The following CCDC14 variants were observed in gnomAD, a reference collection of about 807,000 sequenced individuals.
CCDC14 encodes the protein coiled-coil domain containing 14.
CCDC14 carries 71 observed loss-of-function variants against 81.4 expected under a neutral mutation model. That is an observed-to-expected ratio of 0.87 (90% CI 0.72 to 1.06). The LOEUF (loss-of-function observed/expected upper bound fraction) is 1.06. Ranked by LOEUF, CCDC14 falls within the 50% of genes least tolerant of loss-of-function variation. The pLI is 0.00. For synonymous variants in CCDC14, 332 were observed against 364.8 expected (o/e 0.91, Z 1.03); for missense variants, 1,046 against 1,047.3 (o/e 1.00, Z 0.02).
At chr3:123,932,637 G>T (rs140988389) in intron 10 of CCDC14, among the ~76,000 whole-genome samples, 1 of 151,930 alleles carries the variant, frequency 6.6e-6, no homozygotes, top group Non-Finnish European at 1.5e-5. Flanking sequence ...CTTAGGAAAA[G>T]TTCCCCTCCA....
chr3:123,926,958 C>T (rs1200093240), intron 12 of CCDC14, among the ~76,000 whole-genome samples: 2 of 152,148 alleles, frequency 1.3e-5, no homozygotes, highest in East Asian at 3.9e-4. Flanking sequence ...ACTCTAACGT[C>T]CAAAGTAAAA....
the CCDC14 span, among the ~76,000 whole-genome samples, chr3:123,886,095 C>T: frequency 0.44 from 67,406 of 151,498 alleles, 17,893 homozygotes; most frequent in Non-Finnish European, 0.62. Context: ...CCAGTAGGAG[C>T]TTCTTCAATA....
In CCDC14 at chr3:123,931,144, C is replaced by A. The variant is rs139814760; in HGVS notation, c.1736G>T (p.Arg579Leu). 4.3e-6 allele frequency: 7 copies of A among 1,610,826 alleles called. No homozygotes were observed. In the East Asian group the frequency reaches 1.6e-4, roughly 36 times the overall value. ...TCGAGTCACCTCAGCATCACGCTGACGTAATGTTATCCCCAATATCTGGTT... is the reference window on the plus strand; with the variant it reads ...TCGAGTCACCTCAGCATCACGCTGAAGTAATGTTATCCCCAATATCTGGTT... Reference protein sequence around the residue: ...KENQILGITLRQRDAEVTRLR... With the variant: ...KENQILGITLLQRDAEVTRLR... The change falls in exon 12 of 13, where the codon CGT becomes CTT. Residue 579 changes from arginine (R) to leucine (L), a missense_variant. By Grantham distance (102) the Arg-to-Leu change is moderately radical (BLOSUM62 -2). Transcript: ENST00000409697.
rs1226267104 is a variant in CCDC14, at chr3:123,949,003, G to T, written c.482C>A (p.Ala161Asp). Reference protein sequence around the residue: ...YRMYSPIIYQALCEHVQTQMS... With the variant: ...YRMYSPIIYQDLCEHVQTQMS... ...CTGAGTCTGCACGTGCTCACAGAGG[G>T]CTTGGTATATTATGGGTGAATACAT... The change falls in exon 6 of 13, where the codon GCC becomes GAC. Residue 161 changes from alanine to aspartate, a missense_variant. Transcript: ENST00000409697. 4 of 1,613,904 alleles carry T rather than the reference G, an allele frequency of 2.5e-6. No homozygotes were observed. In the South Asian group the frequency reaches 4.4e-5, roughly 18 times the overall value.
At chr3:123,931,644 C>T (rs1167796177) in intron 10 of CCDC14, 118 bp from the exon 11 acceptor site, 3 of 603,774 alleles carry the variant, frequency 5.0e-6, no homozygotes, top group South Asian at 2.3e-5. Flanking sequence ...TTTTGTTTAA[C>T]GATTAATTGC....
chr3:123,944,411 C>G (rs752786634), intron 9 of CCDC14, among the ~76,000 whole-genome samples: 9 of 152,080 alleles, frequency 5.9e-5, no homozygotes, highest in Non-Finnish European at 1.2e-4. Flanking sequence ...CTAGACAACA[C>G]ATACTGAGAC....
intron 1 of CCDC14, among the ~76,000 whole-genome samples, chr3:123,960,125 G>A (rs1293425780): frequency 6.6e-6 from 1 of 152,148 alleles, no homozygotes; most frequent in Non-Finnish European, 1.5e-5. Flanking sequence ...AGGAGAATCA[G>A]TTTGCTTTAT....
At chr3:123,960,120 A>C (rs1657227596) in intron 1 of CCDC14, among the ~76,000 whole-genome samples, 1 of 152,222 alleles carries the variant, frequency 6.6e-6, no homozygotes, top group African/African-American at 2.4e-5. Flanking sequence ...AATACAGGAG[A>C]ATCAGTTTGC....
intron 1 of CCDC14, chr3:123,958,153 C>G (rs758048927): frequency 3.9e-5 from 6 of 152,066 alleles, no homozygotes; most frequent in Non-Finnish European, 8.8e-5. Context: ...TAACATCACA[C>G]CACTGGTCTC....
chr3:123,947,773 AC>A (rs780346644), intron 7 of CCDC14, among the ~76,000 whole-genome samples: 16 of 152,012 alleles, frequency 1.1e-4, no homozygotes, highest in Non-Finnish European at 1.8e-4. Flanking sequence ...AATCCAACTT[AC>A]TTTTAAGCTA....
At chr3:123,947,643 C>T (rs892371653) in intron 7 of CCDC14, among the ~76,000 whole-genome samples, 2 of 152,022 alleles carry the variant, frequency 1.3e-5, no homozygotes, top group African/African-American at 4.8e-5. Flanking sequence ...ATTTTTGATG[C>T]TTTTAAACCA....
chr3:123,921,918 CAACAGAGTACACATTCTTCT>C (rs2035070879), intron 12 of CCDC14, among the ~76,000 whole-genome samples: 1 of 152,198 alleles, frequency 6.6e-6, no homozygotes, highest in Admixed American at 6.5e-5. Flanking sequence ...CATCCTACAG[CAACAGAGTACACATTCTTCT>C]CTTGTGCACA....
Position 123,915,411 on chromosome 3 carries a change from C to G in CCDC14, c.2086G>C (p.Ala696Pro), listed in dbSNP as rs369940399. The change falls in exon 13 of 13, where the codon GCA becomes CCA. Residue 696 changes from alanine to proline, a missense_variant. Coordinates refer to ENST00000409697, the MANE Select transcript of CCDC14 (RefSeq NM_001366335.1). The stretch of plus-strand genomic sequence containing the variant: ...GCAGAAATAATTCCAGGTGCAGATG[C>G]TTCCTCCATGCCCCTAGTGTTACTA... ...QNSNTRGMEE[A>P]SAPGIISALS... is the part of the protein sequence containing the mutation. 1.2e-6 allele frequency: 2 copies of G among 1,613,838 alleles called. No individual in the cohort carries two copies. Among genetic ancestry groups the G allele is most frequent in the South Asian group, 2.2e-5 (2 of 91,036 alleles).
chr3:123,886,895 A>G, the CCDC14 span, among the ~76,000 whole-genome samples: 1 of 152,122 alleles, frequency 6.6e-6, no homozygotes, highest in Non-Finnish European at 1.5e-5. Flanking sequence ...ATTTAATTTC[A>G]GGACTGTAGT....
Position 123,931,183 on chromosome 3 carries a change from G to A in CCDC14, c.1697C>T (p.Thr566Ile). ...NVKSSQFKLE[T>I]AEKENQILGI... is the part of the protein sequence containing the mutation. ...CAATATCTGGTTTTCCTTTTCAGCA[G>A]TTTCTAACTTAAACTGGGAGCTTTT... The change falls in exon 12 of 13, where the codon ACT becomes ATT. Residue 566 changes from threonine to isoleucine, a missense_variant. Transcript: ENST00000409697. 1 of 1,612,826 alleles carries A rather than the reference G, an allele frequency of 6.2e-7. No homozygotes were observed. Among genetic ancestry groups the A allele is most frequent in the Non-Finnish European group, 8.5e-7 (1 of 1,179,584 alleles).
At chr3:123,892,881 T>C (rs1207747045), downstream of CCDC14, among the ~76,000 whole-genome samples, 2 of 152,124 alleles carry the variant, frequency 1.3e-5, no homozygotes, top group Admixed American at 1.3e-4. Flanking sequence ...CTCGGCTCAT[T>C]GTAACCTCTG....
intron 1 of CCDC14, among the ~76,000 whole-genome samples, chr3:123,960,266 T>C (rs1376533000): frequency 6.6e-6 from 1 of 152,232 alleles, no homozygotes; most frequent in Non-Finnish European, 1.5e-5. Context: ...GTAGAATGAC[T>C]TACAGTGTGC....
chr3:123,946,752 A>G, intron 8 of CCDC14, 51 bp downstream of exon 8: 1 of 1,466,796 alleles, frequency 6.8e-7, no homozygotes, highest in Non-Finnish European at 9.3e-7. Context: ...ATAACATGAC[A>G]TTGCTATTTA....
chr3:123,917,439 A>T (rs1356065494), intron 12 of CCDC14, among the ~76,000 whole-genome samples: 1 of 151,280 alleles, frequency 6.6e-6, no homozygotes, highest in Non-Finnish European at 1.5e-5. Context: ...AGGGTGCAGT[A>T]AGCCAAGATC....
Sources: allele counts gnomAD v4.1 joint callset (sites outside exome capture counted in the v4.1 genomes callset), GRCh38; gene constraint gnomAD v4.1.1; transcripts MANE v1.5; gene names NCBI Gene and HGNC (gene_info 2026-07-23, HGNC 2026-07-21).